Variants in PTPRD observed in about 807,000 individuals in gnomAD.
The protein encoded by PTPRD is receptor-type tyrosine-protein phosphatase delta.
In PTPRD, 34 loss-of-function variants were observed where a neutral mutation model predicts 214.5. The observed-to-expected ratio is 0.16, with a 90% CI of 0.12 to 0.21. PTPRD has a LOEUF of 0.21. PTPRD is among the 10% of genes least tolerant of loss of function. The pLI, the probability that PTPRD is intolerant of heterozygous loss-of-function variation, is 1.00. For synonymous variants in PTPRD, 1,128 were observed against 845.7 expected (o/e 1.33, Z -5.79); for missense variants, 2,545 against 2,398.7 (o/e 1.06, Z -1.27).
At chr9:9,261,754 T>C (rs530270583) in intron 9 of PTPRD, among the ~76,000 whole-genome samples, 9 of 151,792 alleles carry the variant, frequency 5.9e-5, no homozygotes, top group African/African-American at 2.2e-4. Context: ...AGTAAGATCA[T>C]TGGAAAAGTC....
chr9:10,563,384 T>C (rs562314756), intron 2 of PTPRD, among the ~76,000 whole-genome samples: 4 of 152,184 alleles, frequency 2.6e-5, no homozygotes, highest in Admixed American at 2.6e-4. Context: ...GACAGAAAAC[T>C]ATCCAGCCAT....
intron 11 of PTPRD, among the ~76,000 whole-genome samples, chr9:8,998,742 C>T (rs992373348): frequency 2.0e-5 from 3 of 152,008 alleles, no homozygotes; most frequent in Admixed American, 2.0e-4. Context: ...AAATCTAAAA[C>T]CTTCTGGAAA....
chr9:9,765,942 G>A (rs1000788728), intron 6 of PTPRD, among the ~76,000 whole-genome samples: 98 of 152,148 alleles, frequency 6.4e-4, no homozygotes, highest in Admixed American at 6.2e-3. Context: ...GATTACAGGC[G>A]TGAGCCACCG....
intron 14 of PTPRD, among the ~76,000 whole-genome samples, chr9:8,618,986 G>A (rs2095715730): frequency 7.2e-6 from 1 of 139,298 alleles, no homozygotes; most frequent in South Asian, 2.3e-4. Context: ...TCTCAAACTC[G>A]TGACCTCAAG....
chr9:9,814,197 T>C lies in PTPRD; in HGVS notation c.-367-47346A>G, dbSNP rs994656663. Among the ~76,000 whole-genome samples the C allele has an allele frequency of 1.6e-4, 25 of 152,028 alleles. 1 individual carries two copies. The highest frequency in any genetic ancestry group is 6.0e-4 in the African/African-American group (25 of 41,472). On this transcript the variant is annotated intron_variant, in intron 5 of 45. Transcript: ENST00000381196. ...AGCCAAAAGTAAACATTAGACTCAATGATGAAAAGTTGAAAGGTTTTCTTT... is the reference window on the plus strand; with the variant it reads ...AGCCAAAAGTAAACATTAGACTCAACGATGAAAAGTTGAAAGGTTTTCTTT...
intron 11 of PTPRD, among the ~76,000 whole-genome samples, chr9:8,921,345 CAT>C (rs145819518): frequency 6.6e-6 from 1 of 152,316 alleles, no homozygotes; most frequent in African/African-American, 2.4e-5. Flanking sequence ...ACCTCACACA[CAT>C]GACTATCCAA....
In PTPRD at chr9:9,076,275, T is replaced by A. The variant is rs141272881; in HGVS notation, c.-142-57540A>T. ...CTTGTAAATTTGTTTAAGTTCTTTG[T>A]AGATTCTGGATATTAGCCCTTTGTC... On this transcript the variant is annotated intron_variant, in intron 10 of 45. Transcript: ENST00000381196. Among the ~76,000 whole-genome samples, 799 of 152,260 alleles carry A rather than the reference T, an allele frequency of 5.2e-3. 14 individuals are homozygous for A. Among genetic ancestry groups the A allele is most frequent in the African/African-American group, 0.018 (758 of 41,570 alleles).
intron 12 of PTPRD, among the ~76,000 whole-genome samples, chr9:8,721,357 G>A (rs1172953150): frequency 1.4e-5 from 2 of 146,232 alleles, no homozygotes; most frequent in Non-Finnish European, 3.0e-5. Flanking sequence ...TTGAACCTAG[G>A]AGTCAGAGGT....
chr9:8,829,682 G>C (rs938482427), intron 11 of PTPRD, among the ~76,000 whole-genome samples: 1 of 152,086 alleles, frequency 6.6e-6, no homozygotes, highest in Non-Finnish European at 1.5e-5. Flanking sequence ...TAGGAAGATA[G>C]TACACATTAA....
intron 5 of PTPRD, among the ~76,000 whole-genome samples, chr9:9,909,276 T>G (rs78055318): frequency 6.6e-6 from 1 of 151,728 alleles, no homozygotes; most frequent in East Asian, 1.9e-4. Context: ...ATGAATAGCA[T>G]GCTGATGAAT....
intron 2 of PTPRD, among the ~76,000 whole-genome samples, chr9:10,396,475 C>A (rs2098172786): frequency 6.6e-6 from 1 of 151,906 alleles, no homozygotes; most frequent in Non-Finnish European, 1.5e-5. Flanking sequence ...AATTATTCAT[C>A]ATCCTTTCTT....
chr9:10,207,822 A>T (rs1430600175), intron 3 of PTPRD, among the ~76,000 whole-genome samples: 2 of 152,080 alleles, frequency 1.3e-5, no homozygotes, highest in Non-Finnish European at 2.9e-5. Context: ...ACTATTAAAA[A>T]GTGTTATATC....
intron 35 of PTPRD, among the ~76,000 whole-genome samples, chr9:8,422,836 G>T (rs1181245497): frequency 6.6e-6 from 1 of 152,194 alleles, no homozygotes; most frequent in Non-Finnish European, 1.5e-5. Flanking sequence ...AGATGACAAG[G>T]AGGTCAATTA....
At chr9:9,929,047 T>A (rs1050117854) in intron 5 of PTPRD, among the ~76,000 whole-genome samples, 1 of 152,144 alleles carries the variant, frequency 6.6e-6, no homozygotes. Flanking sequence ...GTATAACTCA[T>A]ACATGGCAGA....
At chr9:8,891,401 G>A (rs1447832155) in intron 11 of PTPRD, among the ~76,000 whole-genome samples, 2 of 151,602 alleles carry the variant, frequency 1.3e-5, no homozygotes, top group African/African-American at 2.4e-5. Context: ...CAAAGTGCTG[G>A]GATTACAGGC....
intron 11 of PTPRD, among the ~76,000 whole-genome samples, chr9:8,770,448 C>A (rs1383079885): frequency 6.6e-6 from 1 of 151,934 alleles, no homozygotes; most frequent in Non-Finnish European, 1.5e-5. Flanking sequence ...TGAGCTTTGT[C>A]TATTTTCTAT....
At chr9:9,812,527 T>TA (rs2047458430) in intron 5 of PTPRD, among the ~76,000 whole-genome samples, 1 of 150,508 alleles carries the variant, frequency 6.6e-6, no homozygotes, top group Non-Finnish European at 1.5e-5. Context: ...CAGTAGTACT[T>TA]ATATGAGACA....
At chr9:8,857,460 G>A (rs1302410365) in intron 11 of PTPRD, among the ~76,000 whole-genome samples, 4 of 152,174 alleles carry the variant, frequency 2.6e-5, no homozygotes, top group Non-Finnish European at 5.9e-5. Flanking sequence ...ACCTCTGCCC[G>A]AGGAGGTCCA....
At chr9:9,589,530 A>C (rs576048289) in intron 7 of PTPRD, among the ~76,000 whole-genome samples, 1 of 152,154 alleles carries the variant, frequency 6.6e-6, no homozygotes, top group South Asian at 2.1e-4. Flanking sequence ...GTTAATCAGC[A>C]ATCTATGGCA....
Sources: gnomAD v4.1 joint callset for allele counts (sites outside exome capture counted in the v4.1 genomes callset) on GRCh38, gnomAD v4.1.1 for gene constraint, MANE v1.5 for transcripts, NCBI Gene and HGNC (gene_info 2026-07-23, HGNC 2026-07-21) for gene names.